AGPAT3: variants seen among roughly 807,000 people sequenced by gnomAD.
AGPAT3 encodes 1-acylglycerol-3-phosphate O-acyltransferase 3.
Under a neutral mutation model 47.3 loss-of-function variants are expected in AGPAT3, and 5 were observed. The ratio of observed to expected loss-of-function variants is 0.11; its 90% CI spans 0.06 to 0.22. AGPAT3 has a LOEUF of 0.22. Among genes scored for constraint, AGPAT3 ranks in the 10% least tolerant of loss-of-function variants. The pLI, the probability that AGPAT3 is intolerant of heterozygous loss-of-function variation, is 1.00. For synonymous variants in AGPAT3, 212 were observed against 208.3 expected (o/e 1.02, Z -0.15); for missense variants, 315 against 493.0 (o/e 0.64, Z 3.42).
chr21:43,905,981 C>T (rs1262821211), intron 2 of AGPAT3, among the ~76,000 whole-genome samples: 2 of 152,154 alleles, frequency 1.3e-5, no homozygotes, highest in African/African-American at 4.8e-5. Context: ...CCGGCCAAGG[C>T]GCGTCAGGCA....
intron 2 of AGPAT3, among the ~76,000 whole-genome samples, chr21:43,931,067 C>T (rs1196405732): frequency 2.0e-5 from 3 of 152,204 alleles, no homozygotes; most frequent in Admixed American, 6.5e-5. Flanking sequence ...TCGAGGGCCC[C>T]GTGACTGGAC....
In AGPAT3 at chr21:43,983,319, C is replaced by G. The variant is rs1251327571; in HGVS notation, c.*927C>G. ...AAGAAGCGACGGCACCGTCAACCCT[C>G]TGTTTTTTAAAGGTGGTTGGAGACT... On this transcript the variant is annotated 3_prime_UTR_variant, in exon 10 of 10. Transcript: ENST00000291572. 1.3e-5 allele frequency: 2 copies of G among 152,254 alleles called. No individual in the cohort carries two copies. Among genetic ancestry groups the G allele is most frequent in the Non-Finnish European group, 2.9e-5 (2 of 68,054 alleles). The allele number at this position is 152,254 out of a possible 1,614,324, so 9.4% of individuals were successfully genotyped here. A position where few individuals can be genotyped will look rare whatever the true frequency, so the allele number is the denominator to read the frequency against.
chr21:43,981,466 T>C lies in AGPAT3; in HGVS notation c.1042+279T>C. The stretch of plus-strand genomic sequence containing the variant: ...GCCCTTGAGGATGCCGACGAGAGGG[T>C]CCCCGAGAGGGTCCCCAGCCCCCCT... On this transcript the variant is annotated intron_variant, in intron 9 of 9. Transcript: ENST00000291572. This position sits in a 1 kb window ranked among gnomAD's most constrained non-coding sequence, Gnocchi z 5.3. 2.0e-6 allele frequency: 1 copy of C among 510,436 alleles called. No individual in the cohort carries two copies. Among genetic ancestry groups the C allele is most frequent in the Non-Finnish European group, 3.6e-6 (1 of 281,464 alleles). 31.6% of individuals were successfully genotyped at this position (510,436 alleles called of 1,614,324 possible).
Position 43,985,391 on chromosome 21 carries a change from C to T in AGPAT3, c.*2999C>T. 6.2e-5 allele frequency: 18 copies of T among 289,164 alleles called. No homozygotes were observed. The highest frequency in any genetic ancestry group is 2.3e-4 in the South Asian group (8 of 34,332). The allele number at this position is 289,164 out of a possible 1,614,324, so 17.9% of individuals were successfully genotyped here. A position where few individuals can be genotyped will look rare whatever the true frequency, so the allele number is the denominator to read the frequency against. The stretch of plus-strand genomic sequence containing the variant: ...AAAACAACAATGTAAGCAGCACTTT[C>T]TTGTGTAAAAAAAAAAAAAAAGCAC... On this transcript the variant is annotated 3_prime_UTR_variant, in exon 10 of 10. Coordinates refer to ENST00000291572, the MANE Select transcript of AGPAT3 (RefSeq NM_020132.5).
chr21:43,926,934 G>T (rs1335163786), intron 2 of AGPAT3, among the ~76,000 whole-genome samples: 2 of 139,768 alleles, frequency 1.4e-5, no homozygotes, highest in Non-Finnish European at 3.0e-5. Context: ...AGCCAAGATT[G>T]CACCATCTCA....
chr21:43,865,695 C>T (rs1012275712), intron 1 of AGPAT3, among the ~76,000 whole-genome samples: 2 of 150,830 alleles, frequency 1.3e-5, no homozygotes, highest in African/African-American at 4.9e-5. Flanking sequence ...GGGAGGGGCC[C>T]GGGCCGGGCC....
At position 43,916,025 on chromosome 21, in the gene AGPAT3, A is replaced by G. The variant is rs540743367; in HGVS notation, c.-49+12006A>G. On this transcript the variant is annotated intron_variant, in intron 2 of 9. Transcript: ENST00000291572. The stretch of plus-strand genomic sequence containing the variant: ...TATTTTCCCTTTAAGAGGAATATCT[A>G]AGAAGATAATGTTTAAATTTCAGTG... Among the ~76,000 whole-genome samples the G allele has an allele frequency of 1.1e-4, 17 of 152,344 alleles. No homozygotes were observed. In the East Asian group the frequency reaches 2.9e-3, roughly 26 times the overall value.
At chr21:43,871,086 G>C (rs117692657) in intron 1 of AGPAT3, among the ~76,000 whole-genome samples, 1,524 of 152,342 alleles carry the variant, frequency 0.01, 12 homozygotes, top group Non-Finnish European at 0.017. Context: ...AATTACAAAT[G>C]TTGCCAACTG....
At chr21:43,915,764 TA>T (rs1401638516) in intron 2 of AGPAT3, among the ~76,000 whole-genome samples, 1 of 152,008 alleles carries the variant, frequency 6.6e-6, no homozygotes, top group Non-Finnish European at 1.5e-5. Context: ...TTTGTTGATT[TA>T]AAAAAAATTT....
chr21:43,911,081 A>G (rs969345988), intron 2 of AGPAT3, among the ~76,000 whole-genome samples: 3 of 152,238 alleles, frequency 2.0e-5, no homozygotes, highest in Non-Finnish European at 4.4e-5. Context: ...AAATACACAT[A>G]AGAACATACA....
At chr21:43,875,258 A>G (rs2085709765) in intron 1 of AGPAT3, among the ~76,000 whole-genome samples, 1 of 152,328 alleles carries the variant, frequency 6.6e-6, no homozygotes, top group South Asian at 2.1e-4. Context: ...TTTTTAAATC[A>G]TCTTTAGATT....
rs1601454829 is a variant in AGPAT3 at position 43,969,172 on chromosome 21, A to G, written c.403A>G (p.Thr135Ala). The G allele has an allele frequency of 6.2e-7, 1 of 1,614,062 alleles. No individual in the cohort carries two copies. ...GCTCTACGTGCCCCTCATCGGCTGG[A>G]CGTGGTACTTTCTGGAGATTGTGTT... is the stretch of plus-strand genomic sequence containing the variant. ...ELLYVPLIGW[T>A]WYFLEIVFCK... The change falls in exon 5 of 10, where the codon ACG becomes GCG. Residue 135 changes from threonine (T) to alanine (A), a missense_variant. Thr to Ala is a moderately conservative substitution (Grantham distance 58). Transcript: ENST00000291572.
Position 43,981,035 on chromosome 21 carries a change from A to T in AGPAT3, c.890A>T (p.Glu297Val). ...IYNQKGMFPG[E>V]QFKPARRPWT... Reference sequence around the variant, plus strand: ...AATCAGAAGGGCATGTTTCCAGGGGAGCAGTTTAAGCCTGCCCGGAGGCCG... The same window carrying T: ...AATCAGAAGGGCATGTTTCCAGGGGTGCAGTTTAAGCCTGCCCGGAGGCCG... The change falls in exon 9 of 10, where the codon GAG becomes GTG. Residue 297 changes from glutamate to valine, a missense_variant. Glu to Val is a moderately radical substitution (Grantham distance 121). Coordinates refer to ENST00000291572, the MANE Select transcript of AGPAT3 (RefSeq NM_020132.5). The surrounding 1 kb of genome is among the most constrained non-coding windows in gnomAD (Gnocchi z 5.3). 6.2e-7 allele frequency: 1 copy of T among 1,614,052 alleles called. No homozygotes were observed. Among genetic ancestry groups the T allele is most frequent in the African/African-American group, 1.3e-5 (1 of 74,982 alleles).
intron 2 of AGPAT3, among the ~76,000 whole-genome samples, chr21:43,944,136 G>GC (rs1281221274): frequency 6.6e-6 from 1 of 152,260 alleles, no homozygotes; most frequent in East Asian, 1.9e-4. Context: ...CACCACGTGT[G>GC]CTAGGGCCCC....
At chr21:43,940,582 C>A (rs556377319) in intron 2 of AGPAT3, among the ~76,000 whole-genome samples, 1 of 152,214 alleles carries the variant, frequency 6.6e-6, no homozygotes, top group Admixed American at 6.5e-5. Context: ...AGGAGCTGAG[C>A]GGTTTCATAC....
chr21:43,944,999 C>T lies in AGPAT3; in HGVS notation c.-48-14635C>T, dbSNP rs952234334. 4.6e-5 allele frequency among the ~76,000 whole-genome samples: 7 copies of T among 152,318 alleles called. No homozygotes were observed. In the South Asian group the frequency reaches 1.2e-3, roughly 27 times the overall value. ...CCTCGGGGTCTACCACTGGGATTGA[C>T]GCCAGCAAGTCGGACCCTTTCTCAG... On this transcript the variant is annotated intron_variant, in intron 2 of 9. Transcript: ENST00000291572.
intron 1 of AGPAT3, among the ~76,000 whole-genome samples, chr21:43,897,117 T>C (rs1259087135): frequency 3.9e-5 from 6 of 151,988 alleles, no homozygotes; most frequent in Non-Finnish European, 5.9e-5. Flanking sequence ...TTCCGCAGTG[T>C]TTGTGTCCCT....
intron 2 of AGPAT3, among the ~76,000 whole-genome samples, chr21:43,947,392 A>T (rs950079151): frequency 6.6e-6 from 1 of 152,182 alleles, no homozygotes; most frequent in African/African-American, 2.4e-5. Flanking sequence ...GGGTCTCATA[A>T]GAGAGGCCGA....
chr21:43,894,760 C>T (rs963883694), intron 1 of AGPAT3, among the ~76,000 whole-genome samples: 38 of 152,228 alleles, frequency 2.5e-4, no homozygotes, highest in African/African-American at 7.7e-4. Flanking sequence ...TATTTTTGTC[C>T]GTTATTGTTC....
Sources: gnomAD v4.1 joint callset for allele counts (sites outside exome capture counted in the v4.1 genomes callset) on GRCh38, gnomAD v4.1.1 for gene constraint, Gnocchi (gnomAD v3.1) non-coding constraint, MANE v1.5 for transcripts, NCBI Gene and HGNC (gene_info 2026-07-23, HGNC 2026-07-21) for gene names.